The following HOATZ variants were observed in gnomAD, a reference collection of about 807,000 sequenced individuals.
HOATZ encodes the protein HOATZ cilia and flagella associated protein.
A neutral mutation model predicts 24.9 loss-of-function variants in HOATZ; 26 were observed. The ratio of observed to expected loss-of-function variants is 1.04; its 90% CI spans 0.76 to 1.45. The LOEUF is 1.45. Among genes scored for constraint, HOATZ ranks in the 40% most tolerant of loss-of-function variants. HOATZ has a pLI of 0.00. For synonymous variants in HOATZ, 83 were observed against 76.6 expected, an observed-to-expected ratio of 1.08 and a Z score of -0.43; for missense variants, 226 against 201.5, an observed-to-expected ratio of 1.12 and a Z score of -0.74.
At chr11:111,515,063 C>T (rs546822182) in intron 1 of HOATZ, 53 bp downstream of exon 1, 22 of 1,327,004 alleles carry the variant, frequency 1.7e-5, no homozygotes, top group Non-Finnish European at 2.4e-5. Flanking sequence ...CGTAACTGGC[C>T]TGCAGGTACC....
At chr11:111,515,823 A>T (rs898514336) in intron 2 of HOATZ, among the ~76,000 whole-genome samples, 2 of 152,178 alleles carry the variant, frequency 1.3e-5, no homozygotes, top group African/African-American at 4.8e-5. Flanking sequence ...CTTACTCATC[A>T]TCTAAAGAGA....
intron 3 of HOATZ, among the ~76,000 whole-genome samples, chr11:111,528,181 T>A (rs1428081022): frequency 6.6e-6 from 1 of 151,988 alleles, no homozygotes; most frequent in Non-Finnish European, 1.5e-5. Flanking sequence ...AATCGTTTTT[T>A]AATTAACTAA....
At chr11:111,525,707 A>T (rs1867331819) in intron 3 of HOATZ, among the ~76,000 whole-genome samples, 1 of 152,248 alleles carries the variant, frequency 6.6e-6, no homozygotes, top group African/African-American at 2.4e-5. Context: ...TATTTGGAAG[A>T]ATTGTGCAAG....
At chr11:111,534,520 A>G in intron 5 of HOATZ, 56 bp downstream of exon 5, 1 of 1,346,206 alleles carries the variant, frequency 7.4e-7, no homozygotes. Context: ...TGTGTAGGGA[A>G]GCATTTCTTT....
Position 111,536,993 on chromosome 11 carries a change from TTAAAA to T in HOATZ, c.*171_*175del, listed in dbSNP as rs1337825718. Reference sequence around the variant, plus strand: ...TTTTACCAGTTAGTGAGTACTTGTGTTAAAATAAAGAAATAAAGGTTAAATATGCA... The same window carrying T: ...TTTTACCAGTTAGTGAGTACTTGTGTTAAAGAAATAAAGGTTAAATATGCA... On this transcript the variant is annotated 3_prime_UTR_variant, in exon 6 of 6. Transcript: ENST00000375618. 3.4e-6 allele frequency: 2 copies of T among 584,482 alleles called. No individual in the cohort carries two copies. Among genetic ancestry groups the T allele is most frequent in the Non-Finnish European group, 6.1e-6 (2 of 327,724 alleles). The allele number at this position is 584,482 out of a possible 1,614,324, so 36.2% of individuals were successfully genotyped here. A position where few individuals can be genotyped will look rare whatever the true frequency, so the allele number is the denominator to read the frequency against.
chr11:111,515,078 C>T (rs1867166192), intron 1 of HOATZ, 68 bp downstream of exon 1: 1 of 1,126,362 alleles, frequency 8.9e-7, no homozygotes, highest in Non-Finnish European at 1.3e-6. Context: ...GGTACCAGAG[C>T]CCTTTCCAGG....
chr11:111,531,503 T>A (rs1265646128), intron 3 of HOATZ, among the ~76,000 whole-genome samples: 1 of 152,210 alleles, frequency 6.6e-6, no homozygotes, highest in East Asian at 1.9e-4. Context: ...TAATACTGAT[T>A]GAATACATGT....
At chr11:111,533,393 G>A (rs1867413972) in intron 3 of HOATZ, among the ~76,000 whole-genome samples, 1 of 151,942 alleles carries the variant, frequency 6.6e-6, no homozygotes, top group Admixed American at 6.6e-5. Context: ...CTATAAAGCT[G>A]TTAGCATAGC....
chr11:111,527,831 G>A (rs963448030), intron 3 of HOATZ, among the ~76,000 whole-genome samples: 2 of 152,092 alleles, frequency 1.3e-5, no homozygotes, highest in African/African-American at 4.8e-5. Context: ...TTGAAACCAG[G>A]CCCAAATATG....
intron 3 of HOATZ, among the ~76,000 whole-genome samples, chr11:111,527,346 A>T (rs970532673): frequency 6.6e-6 from 1 of 152,128 alleles, no homozygotes; most frequent in Non-Finnish European, 1.5e-5. Flanking sequence ...ATAATGACTA[A>T]TTTTTTTTCT....
intron 3 of HOATZ, among the ~76,000 whole-genome samples, chr11:111,519,837 T>C (rs931648275): frequency 2.6e-5 from 4 of 152,198 alleles, no homozygotes; most frequent in Non-Finnish European, 5.9e-5. Context: ...CTCCTTAAAA[T>C]TAATGAAAAT....
chr11:111,518,874 T>C lies in HOATZ; in HGVS notation c.339+2764T>C. 3 of 281,742 alleles carry C rather than the reference T, an allele frequency of 1.1e-5. No homozygotes were observed. The South Asian group carries it at 1.1e-4, about 10-fold the overall frequency. The allele number at this position is 281,742 out of a possible 1,614,324, so 17.5% of individuals were successfully genotyped here. The stretch of plus-strand genomic sequence containing the variant: ...GCTTCTGTGAAGCCTTCTCAGGGGT[T>C]ACCCAGAGACTAGCAGAATGAATAG... On this transcript the variant is annotated intron_variant, in intron 3 of 5. Transcript: ENST00000375618.
rs367598611 is a variant in HOATZ, at chr11:111,514,957, G to A, written c.173G>A (p.Arg58Lys). 35 of 1,613,842 alleles carry A rather than the reference G, an allele frequency of 2.2e-5. No individual in the cohort carries two copies. Among genetic ancestry groups the A allele is most frequent in the Non-Finnish European group, 2.8e-5 (33 of 1,180,044 alleles). ...AGCGAATCTCAGCTGGTGCTGCGCA[G>A]AGACAGCAGTCAGCGTCTGCCGGTG... ...PPSESQLVLR[R>K]DSSQRLPVAR... is the part of the protein sequence containing the mutation. Residue 58 changes from arginine to lysine, a missense_variant, in exon 1 of 6, where the codon AGA (arginine) becomes AAA (lysine). Physicochemically the swap from Arg to Lys is conservative, Grantham distance 26. Transcript: ENST00000375618.
intron 3 of HOATZ, among the ~76,000 whole-genome samples, chr11:111,521,046 C>A (rs148191910): frequency 6.6e-6 from 1 of 152,226 alleles, no homozygotes; most frequent in Admixed American, 6.5e-5. Context: ...CCCCATCTAC[C>A]AACATTGCCC....
At chr11:111,528,806 C>CTG (rs1491078529) in intron 3 of HOATZ, among the ~76,000 whole-genome samples, 4 of 151,772 alleles carry the variant, frequency 2.6e-5, no homozygotes, top group Non-Finnish European at 5.9e-5. Context: ...CATTCTGTCA[C>CTG]TCTGTGTGTG....
At chr11:111,526,153 G>A (rs1158118625) in intron 3 of HOATZ, among the ~76,000 whole-genome samples, 1 of 152,152 alleles carries the variant, frequency 6.6e-6, no homozygotes, top group Non-Finnish European at 1.5e-5. Context: ...ACCCTCTTCT[G>A]GGAACAGGCA....
At chr11:111,515,448 C>A in intron 1 of HOATZ, 63 bp from the exon 2 acceptor site, 2 of 1,378,678 alleles carry the variant, frequency 1.5e-6, no homozygotes, top group South Asian at 1.2e-5. Flanking sequence ...ATAAAAAATT[C>A]AAACGCCTTT....
rs1228701769 is a variant in HOATZ, at chr11:111,534,404, T to C, written c.400-8T>C. The C allele has an allele frequency of 1.2e-6, 2 of 1,605,546 alleles. No individual in the cohort carries two copies. The highest frequency in any genetic ancestry group is 2.2e-5 in the South Asian group (2 of 90,548). ...TACCTTTTTGATTTTTATTTTGTTT[T>C]GTTTCAGAAAGAACTGATTTCCCTT... On this transcript the variant is annotated splice_region_variant and splice_polypyrimidine_tract_variant and intron_variant, in intron 4 of 5. Transcript: ENST00000375618.
chr11:111,523,193 G>T (rs1330951218), intron 3 of HOATZ, among the ~76,000 whole-genome samples: 3 of 141,338 alleles, frequency 2.1e-5, no homozygotes, highest in Admixed American at 6.9e-5. Context: ...GTCATTTCAT[G>T]CTAAGTGTTC....
Sources: allele counts gnomAD v4.1 joint callset (sites outside exome capture counted in the v4.1 genomes callset), GRCh38; gene constraint gnomAD v4.1.1; transcripts MANE v1.5; gene names NCBI Gene and HGNC (gene_info 2026-07-23, HGNC 2026-07-21).